Variants in TENM3 observed in about 807,000 individuals in gnomAD.
The protein encoded by TENM3 is teneurin-3.
Under a neutral mutation model 255.1 loss-of-function variants are expected in TENM3, and 63 were observed. The observed-to-expected ratio is 0.25, with a 90% CI of 0.20 to 0.30. The LOEUF is 0.30. Ranked by LOEUF, TENM3 falls within the 10% of genes least tolerant of loss-of-function variation. The pLI, the probability that TENM3 is intolerant of heterozygous loss-of-function variation, is 1.00. For synonymous variants in TENM3, 1,306 were observed against 1,322.3 expected (o/e 0.99, Z 0.27); for missense variants, 2,929 against 3,461.1 (o/e 0.85, Z 3.86).
chr4:181,675,112 G>GATA, the TENM3 span, among the ~76,000 whole-genome samples: 8 of 151,928 alleles, frequency 5.3e-5, no homozygotes, highest in African/African-American at 1.7e-4. Flanking sequence ...TGATACACAC[G>GATA]CCTGAATCCG....
the TENM3 span, among the ~76,000 whole-genome samples, chr4:181,715,189 A>T: frequency 6.6e-6 from 1 of 152,182 alleles, no homozygotes; most frequent in African/African-American, 2.4e-5. Flanking sequence ...AGATTCTACT[A>T]TGTCGGTCAC....
chr4:181,748,822 A>T, the TENM3 span, among the ~76,000 whole-genome samples: 4 of 152,124 alleles, frequency 2.6e-5, no homozygotes, highest in African/African-American at 9.6e-5. Flanking sequence ...ATATTGTTAG[A>T]CAGGAGGCCG....
chr4:181,499,666 C>T, the TENM3 span, among the ~76,000 whole-genome samples: 1 of 152,090 alleles, frequency 6.6e-6, no homozygotes, highest in Non-Finnish European at 1.5e-5. Flanking sequence ...CAGTGACCCA[C>T]AAGAAATATC....
the TENM3 span, among the ~76,000 whole-genome samples, chr4:181,688,129 C>T: frequency 6.6e-6 from 1 of 152,052 alleles, no homozygotes; most frequent in Non-Finnish European, 1.5e-5. Flanking sequence ...GAATGAACTC[C>T]CTTAATTTTG....
chr4:181,847,353 G>A, the TENM3 span, among the ~76,000 whole-genome samples: 1 of 152,102 alleles, frequency 6.6e-6, no homozygotes, highest in South Asian at 2.1e-4. Context: ...TAGACATGGT[G>A]CCATAATCAT....
rs1249845101 is a variant in TENM3 at position 182,185,983 on chromosome 4, T to C, written c.-76+41229T>C. Reference sequence around the variant, plus strand: ...GATTTTTCTGCTCATTCTAAGATAATTAAAGTAATGGATTCTAGCCTGAAC... The same window carrying C: ...GATTTTTCTGCTCATTCTAAGATAACTAAAGTAATGGATTCTAGCCTGAAC... On this transcript the variant is annotated intron_variant, in intron 1 of 2. Transcript: ENST00000512480. 2.6e-5 allele frequency among the ~76,000 whole-genome samples: 4 copies of C among 152,200 alleles called. No individual in the cohort carries two copies. The East Asian group carries it at 5.8e-4, about 22-fold the overall frequency.
the TENM3 span, among the ~76,000 whole-genome samples, chr4:181,768,664 T>TC: frequency 9.9e-4 from 151 of 152,320 alleles, no homozygotes; most frequent in African/African-American, 3.3e-3. Context: ...GCCTTTTTTT[T>TC]CTATCAAACC....
the TENM3 span, among the ~76,000 whole-genome samples, chr4:181,564,740 T>C: frequency 2.0e-5 from 3 of 152,222 alleles, no homozygotes; most frequent in Non-Finnish European, 4.4e-5. Context: ...TCACTATCTC[T>C]GACCTCCCAT....
the TENM3 span, among the ~76,000 whole-genome samples, chr4:181,769,830 C>T: frequency 1.3e-5 from 2 of 152,164 alleles, no homozygotes; most frequent in Non-Finnish European, 2.9e-5. Context: ...TAATCATTTA[C>T]TACACCCCTT....
At chr4:182,001,200 T>C in the TENM3 span, among the ~76,000 whole-genome samples, 3 of 151,916 alleles carry the variant, frequency 2.0e-5, no homozygotes, top group Non-Finnish European at 2.9e-5. Flanking sequence ...AGTTCAAATA[T>C]AAAATATTTT....
chr4:181,628,946 A>G, the TENM3 span, among the ~76,000 whole-genome samples: 1 of 152,074 alleles, frequency 6.6e-6, no homozygotes, highest in Non-Finnish European at 1.5e-5. Flanking sequence ...TTTTCACGAT[A>G]TTGATTCTTC....
chr4:182,572,102 G>T (rs538563892), intron 3 of TENM3, among the ~76,000 whole-genome samples: 1 of 152,134 alleles, frequency 6.6e-6, no homozygotes, highest in African/African-American at 2.4e-5. Context: ...GGGTTTCACC[G>T]TGTTGGCCAG....
intron 5 of TENM3, among the ~76,000 whole-genome samples, chr4:182,653,166 T>G (rs1336998053): frequency 6.6e-6 from 1 of 152,178 alleles, no homozygotes; most frequent in Non-Finnish European, 1.5e-5. Context: ...CACATGAAAT[T>G]ACCTGACACA....
At chr4:182,099,246 G>A in the TENM3 span, among the ~76,000 whole-genome samples, 1 of 151,998 alleles carries the variant, frequency 6.6e-6, no homozygotes, top group Admixed American at 6.6e-5. Flanking sequence ...TTACAGGCAT[G>A]AGCCGCCATG....
At chr4:181,819,600 CCA>C in the TENM3 span, among the ~76,000 whole-genome samples, 1 of 152,136 alleles carries the variant, frequency 6.6e-6, no homozygotes, top group African/African-American at 2.4e-5. Context: ...AGACAATTTT[CCA>C]CAGATGGAGG....
the TENM3 span, among the ~76,000 whole-genome samples, chr4:181,449,735 C>T: frequency 1.0e-3 from 157 of 152,214 alleles, 1 homozygote; most frequent in African/African-American, 3.5e-3. Flanking sequence ...TGCAATGAGC[C>T]GAGATCGTGC....
chr4:182,071,786 T>C, the TENM3 span, among the ~76,000 whole-genome samples: 3 of 152,330 alleles, frequency 2.0e-5, no homozygotes, highest in South Asian at 6.2e-4. Flanking sequence ...TCAACGATAG[T>C]CACCCTACTG....
At chr4:182,094,912 A>G in the TENM3 span, among the ~76,000 whole-genome samples, 2 of 151,654 alleles carry the variant, frequency 1.3e-5, no homozygotes, top group South Asian at 2.1e-4. Flanking sequence ...TATAAACACA[A>G]TAGATAATGT....
intron 3 of TENM3, among the ~76,000 whole-genome samples, chr4:182,434,696 T>C (rs1192185657): frequency 2.0e-5 from 3 of 152,108 alleles, no homozygotes; most frequent in Non-Finnish European, 4.4e-5. Flanking sequence ...GTTGCTTTTT[T>C]CTGCTTGAGC....
Sources: allele counts gnomAD v4.1 joint callset (sites outside exome capture counted in the v4.1 genomes callset), GRCh38; gene constraint gnomAD v4.1.1; transcripts MANE v1.5; gene names NCBI Gene and HGNC (gene_info 2026-07-23, HGNC 2026-07-21).